JMJD1C: variants seen among roughly 807,000 people sequenced by gnomAD.
The protein encoded by JMJD1C is jumonji domain containing 1C.
Under a neutral mutation model 245.3 loss-of-function variants are expected in JMJD1C, and 31 were observed. That is an observed-to-expected ratio of 0.13 (90% CI 0.09 to 0.17). The LOEUF (loss-of-function observed/expected upper bound fraction) is 0.17, where lower values mean the gene tolerates loss of function less well. Ranked by LOEUF, JMJD1C falls within the 10% of genes least tolerant of loss-of-function variation. The pLI is 1.00. For missense variants in JMJD1C, 2,691 were observed against 3,000.2 expected (o/e 0.90, Z 2.41); for synonymous variants, 1,057 against 1,017.4 (o/e 1.04, Z -0.74).
intron 1 of JMJD1C, among the ~76,000 whole-genome samples, chr10:63,384,806 TAAC>T (rs1298725022): frequency 6.6e-6 from 1 of 152,178 alleles, no homozygotes; most frequent in African/African-American, 2.4e-5. Context: ...ATATCAGCAA[TAAC>T]AACGTTTCAC....
chr10:63,205,841 T>A lies in JMJD1C; in HGVS notation c.5074+754A>T, dbSNP rs190565428. Among the ~76,000 whole-genome samples, 364 of 152,306 alleles carry A rather than the reference T, an allele frequency of 2.4e-3. 3 individuals carry two copies. In the South Asian group the frequency reaches 0.029, roughly 12 times the overall value. On this transcript the variant is annotated intron_variant, in intron 10 of 25. Coordinates refer to ENST00000399262, the MANE Select transcript of JMJD1C (RefSeq NM_032776.3). ...ATTCCATCATTTTTTGTTTATTTTTTGAGACATGGTCTTGCTCTGTTGCCC... is the reference window on the plus strand; with the variant it reads ...ATTCCATCATTTTTTGTTTATTTTTAGAGACATGGTCTTGCTCTGTTGCCC...
At chr10:63,414,042 A>G (rs1411684560) in intron 1 of JMJD1C, among the ~76,000 whole-genome samples, 1 of 145,600 alleles carries the variant, frequency 6.9e-6, no homozygotes, top group African/African-American at 2.6e-5. Flanking sequence ...GCTGGAGTGC[A>G]GTGGTGCGAT....
chr10:63,190,812 G>C, intron 17 of JMJD1C, 82 bp downstream of exon 17: 1 of 980,078 alleles, frequency 1.0e-6, no homozygotes, highest in East Asian at 2.4e-5. Flanking sequence ...CAGCATACTG[G>C]GTAGTTCAGA....
chr10:63,194,266 C>CA lies in JMJD1C; in HGVS notation c.5734+19dup, dbSNP rs1381899433. 3 of 1,482,268 alleles carry CA rather than the reference C, an allele frequency of 2.0e-6. No homozygotes were observed. The highest frequency in any genetic ancestry group is 2.8e-6 in the Non-Finnish European group (3 of 1,059,766). The allele number at this position is 1,482,268 out of a possible 1,614,324, so 91.8% of individuals were successfully genotyped here. On this transcript the variant is annotated intron_variant, in intron 14 of 25. Coordinates refer to ENST00000399262, the MANE Select transcript of JMJD1C (RefSeq NM_032776.3). ...GGAGCAACCAAGAGCAGTTATATTA[C>CA]ATGAAGAAGATATACTTACCAGAAC... is the stretch of plus-strand genomic sequence containing the variant.
chr10:63,349,753 A>G (rs1441549938), intron 2 of JMJD1C, among the ~76,000 whole-genome samples: 1 of 152,186 alleles, frequency 6.6e-6, no homozygotes, highest in Non-Finnish European at 1.5e-5. Flanking sequence ...GGACATGTAA[A>G]AACACCTAGT....
At chr10:63,335,271 T>G (rs1942604676) in intron 2 of JMJD1C, among the ~76,000 whole-genome samples, 1 of 152,082 alleles carries the variant, frequency 6.6e-6, no homozygotes, top group African/African-American at 2.4e-5. Flanking sequence ...ATGAAAGCTG[T>G]AAGACAAACA....
rs540945560 is a variant in JMJD1C, at chr10:63,390,662, T to C, written c.169-10180A>G. On this transcript the variant is annotated intron_variant, in intron 1 of 25. Transcript: ENST00000399262. ...ATTCTTATCAAAATAGAAAACCAAA[T>C]TCAACAGCACATCAAAAACATCAAG... Among the ~76,000 whole-genome samples, 235 of 152,238 alleles carry C rather than the reference T, an allele frequency of 1.5e-3. 1 individual carries two copies. The highest frequency in any genetic ancestry group is 4.9e-3 in the African/African-American group (202 of 41,538).
chr10:63,448,823 A>G (rs1044166965), intron 1 of JMJD1C, among the ~76,000 whole-genome samples: 1 of 152,158 alleles, frequency 6.6e-6, no homozygotes. Context: ...GTAGTGTTTA[A>G]GATACTTCAG....
chr10:63,305,461 T>C (rs1192043935), intron 2 of JMJD1C, among the ~76,000 whole-genome samples: 2 of 28,144 alleles, frequency 7.1e-5, no homozygotes, highest in African/African-American at 3.9e-4. Context: ...GCTCTGACCC[T>C]CTCTCTCTCT....
rs1216169656 is a variant in JMJD1C at position 63,176,338 on chromosome 10, G to A, written c.7360C>T (p.Leu2454Phe). The A allele has an allele frequency of 9.3e-6, 15 of 1,613,594 alleles. No individual in the cohort carries two copies. Among genetic ancestry groups the A allele is most frequent in the Non-Finnish European group, 1.1e-5 (13 of 1,179,724 alleles). The change falls in exon 24 of 26, where the codon CTT (leucine) becomes TTT (phenylalanine). Residue 2454 changes from leucine (L) to phenylalanine (F), a missense_variant. Physicochemically the swap from Leu to Phe is conservative, Grantham distance 22. Transcript: ENST00000399262. ...GVRTCTLIQF[L>F]GDAIVLPAGA... ...GCTGGCAAAACAATAGCATCACCAAGGAACTGAATAAGAGTACAGGTTCTG... is the reference window on the plus strand; with the variant it reads ...GCTGGCAAAACAATAGCATCACCAAAGAACTGAATAAGAGTACAGGTTCTG...
At chr10:63,303,592 C>T (rs1860352199) in intron 2 of JMJD1C, among the ~76,000 whole-genome samples, 1 of 152,172 alleles carries the variant, frequency 6.6e-6, no homozygotes, top group African/African-American at 2.4e-5. Flanking sequence ...AGGCGTGATC[C>T]ACCATACCCG....
intron 1 of JMJD1C, among the ~76,000 whole-genome samples, chr10:63,511,863 A>G (rs1184933774): frequency 1.3e-5 from 2 of 152,180 alleles, no homozygotes; most frequent in African/African-American, 4.8e-5. Flanking sequence ...CCTGGAACCA[A>G]TTGCCCATGT....
chr10:63,393,920 C>T (rs1269304013), intron 1 of JMJD1C, among the ~76,000 whole-genome samples: 2 of 152,178 alleles, frequency 1.3e-5, no homozygotes, highest in Non-Finnish European at 2.9e-5. Flanking sequence ...GTGGCTCATG[C>T]CTGTAATCCC....
At chr10:63,370,574 C>T (rs1946233828) in intron 2 of JMJD1C, among the ~76,000 whole-genome samples, 1 of 152,106 alleles carries the variant, frequency 6.6e-6, no homozygotes, top group Non-Finnish European at 1.5e-5. Flanking sequence ...CTGCTATTTT[C>T]CCCCCAATTC....
intron 2 of JMJD1C, among the ~76,000 whole-genome samples, chr10:63,352,158 C>T (rs1201318190): frequency 6.6e-6 from 1 of 152,114 alleles, no homozygotes; most frequent in African/African-American, 2.4e-5. Context: ...CACAGACTAA[C>T]TTGAGGTACT....
intron 2 of JMJD1C, among the ~76,000 whole-genome samples, chr10:63,291,029 G>A (rs1858612667): frequency 6.6e-6 from 1 of 152,060 alleles, no homozygotes; most frequent in South Asian, 2.1e-4. Context: ...GGCTTGGGCT[G>A]GGCGCAGTGG....
intron 1 of JMJD1C, among the ~76,000 whole-genome samples, chr10:63,511,921 T>C (rs917502371): frequency 6.6e-6 from 1 of 152,138 alleles, no homozygotes; most frequent in African/African-American, 2.4e-5. Flanking sequence ...CTCCTTCCCC[T>C]TCTTCTTTTT....
chr10:63,336,046 C>T (rs888996956), intron 2 of JMJD1C, among the ~76,000 whole-genome samples: 12 of 151,580 alleles, frequency 7.9e-5, no homozygotes, highest in Admixed American at 3.3e-4. Flanking sequence ...ACTTAAACCT[C>T]GCAGGCGGAG....
At chr10:63,240,167 G>A (rs1308198296) in intron 3 of JMJD1C, among the ~76,000 whole-genome samples, 4 of 152,154 alleles carry the variant, frequency 2.6e-5, no homozygotes, top group African/African-American at 9.7e-5. Context: ...GAGGTCTGGA[G>A]TTTTGGATTC....
Sources: gnomAD v4.1 joint callset for allele counts (sites outside exome capture counted in the v4.1 genomes callset) on GRCh38, gnomAD v4.1.1 for gene constraint, MANE v1.5 for transcripts, NCBI Gene and HGNC (gene_info 2026-07-23, HGNC 2026-07-21) for gene names.